Variants in TTC7B observed in about 807,000 individuals in gnomAD.
The protein encoded by TTC7B is tetratricopeptide repeat protein 7B.
Under a neutral mutation model 106.8 loss-of-function variants are expected in TTC7B, and 28 were observed. That is an observed-to-expected ratio of 0.26 (90% CI 0.19 to 0.36). The LOEUF is 0.36. TTC7B is among the 10% of genes least tolerant of loss of function. TTC7B has a pLI of 1.00. For synonymous variants in TTC7B, 405 were observed against 430.6 expected, an observed-to-expected ratio of 0.94 and a Z score of 0.74; for missense variants, 862 against 1,076.4, an observed-to-expected ratio of 0.80 and a Z score of 2.79.
intron 19 of TTC7B, among the ~76,000 whole-genome samples, chr14:90,553,119 G>A (rs1474968896): frequency 6.6e-6 from 1 of 152,156 alleles, no homozygotes; most frequent in Non-Finnish European, 1.5e-5. Flanking sequence ...GAGCAGGGGA[G>A]ACCCCCAGCA....
At chr14:90,687,835 T>C (rs1272793512) in intron 7 of TTC7B, among the ~76,000 whole-genome samples, 1 of 152,146 alleles carries the variant, frequency 6.6e-6, no homozygotes, top group Non-Finnish European at 1.5e-5. Flanking sequence ...AACCTAAGAA[T>C]ATGCTAACTC....
chr14:90,615,327 G>C (rs1294804866), intron 16 of TTC7B, among the ~76,000 whole-genome samples: 1 of 152,198 alleles, frequency 6.6e-6, no homozygotes, highest in Non-Finnish European at 1.5e-5. Context: ...GCAGAGCCTG[G>C]GGTGGATCTG....
intron 5 of TTC7B, among the ~76,000 whole-genome samples, chr14:90,714,708 C>A (rs1392545358): frequency 1.3e-5 from 2 of 152,068 alleles, no homozygotes; most frequent in African/African-American, 4.8e-5. Flanking sequence ...CCACCCACCT[C>A]GGCCTCCCAA....
At chr14:90,556,890 C>T (rs897700673) in intron 19 of TTC7B, among the ~76,000 whole-genome samples, 1 of 152,218 alleles carries the variant, frequency 6.6e-6, no homozygotes, top group Non-Finnish European at 1.5e-5. Flanking sequence ...CAGGCAGAGG[C>T]TGAGCTCCCC....
intron 15 of TTC7B, among the ~76,000 whole-genome samples, chr14:90,638,587 T>C (rs963453536): frequency 4.6e-5 from 7 of 152,162 alleles, no homozygotes; most frequent in African/African-American, 1.7e-4. Context: ...AAAATACTTG[T>C]AAAGGCCTAA....
At chr14:90,615,563 G>A (rs200498072) in intron 16 of TTC7B, among the ~76,000 whole-genome samples, 4 of 152,314 alleles carry the variant, frequency 2.6e-5, no homozygotes, top group Admixed American at 1.3e-4. Context: ...AACACTGTAT[G>A]CCCTGATCCC....
chr14:90,659,946 G>GATA (rs1290872595), intron 9 of TTC7B, among the ~76,000 whole-genome samples: 1 of 152,164 alleles, frequency 6.6e-6, no homozygotes, highest in Non-Finnish European at 1.5e-5. Flanking sequence ...TCCCTGCTGA[G>GATA]AGGCCTTCTC....
Position 90,541,573 on chromosome 14 carries a change from T to C in TTC7B, c.2327A>G (p.Gln776Arg), listed in dbSNP as rs1889593174. The C allele has an allele frequency of 6.3e-7, 1 of 1,598,712 alleles. No individual in the cohort carries two copies. Among genetic ancestry groups the C allele is most frequent in the East Asian group, 2.2e-5 (1 of 44,614 alleles). ...SMQRLALILH[Q>R]LGRYSLAEKI... The stretch of plus-strand genomic sequence containing the variant: ...CTCCGCCAGACTGTAGCGGCCTAGC[T>C]GGTGAAGGATCAGGGCCTGGAGAGG... The change falls in exon 20 of 20, where the codon CAG becomes CGG. Residue 776 changes from glutamine (Q) to arginine (R), a missense_variant. Physicochemically the swap from Gln to Arg is conservative, Grantham distance 43. Transcript: ENST00000328459.
chr14:90,618,812 T>A (rs958865516), intron 15 of TTC7B, among the ~76,000 whole-genome samples: 3 of 152,218 alleles, frequency 2.0e-5, no homozygotes, highest in African/African-American at 7.2e-5. Context: ...ACTATCCTAG[T>A]AAAAGTCCCA....
intron 19 of TTC7B, among the ~76,000 whole-genome samples, chr14:90,553,723 A>C (rs1428579575): frequency 2.0e-5 from 3 of 152,188 alleles, no homozygotes; most frequent in Non-Finnish European, 4.4e-5. Flanking sequence ...CCTTGGAGGC[A>C]TGGCGGATTC....
rs112819970 is a variant in TTC7B, at chr14:90,604,861, G to T, written c.1966+5881C>A. ...CCTAAAGCCGACTTTCAAAATTTCCGTGTTATTTAAAAGCAAGATTAGACT... is the reference window on the plus strand; with the variant it reads ...CCTAAAGCCGACTTTCAAAATTTCCTTGTTATTTAAAAGCAAGATTAGACT... On this transcript the variant is annotated intron_variant, in intron 17 of 19. Transcript: ENST00000328459. Among the ~76,000 whole-genome samples the T allele has an allele frequency of 3.5e-3, 536 of 152,236 alleles. 3 individuals carry two copies. The highest frequency in any genetic ancestry group is 0.012 in the African/African-American group (510 of 41,534).
At chr14:90,541,690 G>T in intron 19 of TTC7B, 101 bp from the exon 20 acceptor site, 2 of 912,884 alleles carry the variant, frequency 2.2e-6, no homozygotes, top group Non-Finnish European at 3.1e-6. Context: ...TCGGAGCCGG[G>T]AATATATCGC....
At position 90,726,696 on chromosome 14, in the gene TTC7B, C is replaced by T. The variant is rs79279978; in HGVS notation, c.698+3379G>A. ...GAGGAAGAAAGGGCTGGTTCCAAAC[C>T]CAGCACCTGAGCTGCCCTCACACAA... On this transcript the variant is annotated intron_variant, in intron 5 of 19. Transcript: ENST00000328459. Among the ~76,000 whole-genome samples, 975 of 152,324 alleles carry T rather than the reference C, an allele frequency of 6.4e-3. 18 individuals are homozygous for T. Among genetic ancestry groups the T allele is most frequent in the East Asian group, 0.052 (270 of 5,170 alleles).
intron 3 of TTC7B, 137 bp downstream of exon 3, chr14:90,780,601 G>T: frequency 3.1e-6 from 3 of 962,886 alleles, no homozygotes; most frequent in Non-Finnish European, 4.6e-6. Context: ...AGCATGTGCT[G>T]CAGGGCGGCC....
chr14:90,561,086 C>T (rs1284528295), intron 19 of TTC7B, among the ~76,000 whole-genome samples: 1 of 152,164 alleles, frequency 6.6e-6, no homozygotes. Flanking sequence ...TGGTTCTGGC[C>T]CCATGCATCT....
intron 19 of TTC7B, among the ~76,000 whole-genome samples, chr14:90,574,527 C>T (rs532165588): frequency 2.0e-5 from 3 of 152,332 alleles, no homozygotes; most frequent in South Asian, 2.1e-4. Context: ...ATTAGAAGAT[C>T]GTCCGTTTCC....
intron 4 of TTC7B, among the ~76,000 whole-genome samples, chr14:90,734,352 G>A (rs1356938749): frequency 3.3e-5 from 5 of 151,580 alleles, no homozygotes; most frequent in Non-Finnish European, 5.9e-5. Context: ...CCTGGGAGGC[G>A]GAGAATGCAG....
intron 9 of TTC7B, among the ~76,000 whole-genome samples, chr14:90,660,420 AAG>A (rs1886153534): frequency 2.7e-5 from 4 of 146,080 alleles, no homozygotes; most frequent in East Asian, 2.0e-4. Context: ...AAAAAAAAAA[AAG>A]AAAAGAAAAG....
chr14:90,619,196 A>G (rs917994681), intron 15 of TTC7B, among the ~76,000 whole-genome samples: 1 of 152,170 alleles, frequency 6.6e-6, no homozygotes, highest in Admixed American at 6.5e-5. Context: ...GCCCCCAAAA[A>G]TCATTTTTGT....
Sources: gnomAD v4.1 joint callset for allele counts (sites outside exome capture counted in the v4.1 genomes callset) on GRCh38, gnomAD v4.1.1 for gene constraint, MANE v1.5 for transcripts, NCBI Gene and HGNC (gene_info 2026-07-23, HGNC 2026-07-21) for gene names.